Variants in ZFP90 observed in about 807,000 individuals in gnomAD.
The protein encoded by ZFP90 is zinc finger protein 90 homolog.
Under a neutral mutation model 60.8 loss-of-function variants are expected in ZFP90, and 38 were observed. That is an observed-to-expected ratio of 0.62 (90% CI 0.48 to 0.82). The LOEUF is 0.82. Ranked by LOEUF, ZFP90 falls within the 40% of genes least tolerant of loss-of-function variation. The probability of loss-of-function intolerance (pLI) is 0.00; values close to 1 mark genes in which losing one functional copy is unlikely to be tolerated. For synonymous variants in ZFP90, 287 were observed against 264.8 expected (o/e 1.08, Z -0.82); for missense variants, 711 against 759.1 (o/e 0.94, Z 0.74).
intron 2 of ZFP90, among the ~76,000 whole-genome samples, chr16:68,540,908 T>C (rs1331587300): frequency 2.3e-5 from 3 of 130,700 alleles, no homozygotes; most frequent in African/African-American, 8.3e-5. Flanking sequence ...CAATACATCA[T>C]GCCTTTTTTT....
chr16:68,550,508 C>T (rs1437866466), intron 2 of ZFP90, among the ~76,000 whole-genome samples: 1 of 152,192 alleles, frequency 6.6e-6, no homozygotes, highest in East Asian at 1.9e-4. Context: ...ACCTCAGCCT[C>T]CCAAAGTGCT....
intron 2 of ZFP90, among the ~76,000 whole-genome samples, chr16:68,554,246 C>T (rs911601202): frequency 6.6e-6 from 1 of 151,766 alleles, no homozygotes; most frequent in African/African-American, 2.4e-5. Context: ...CTCATCCTCC[C>T]GAGTAGATGG....
At chr16:68,560,802 G>A (rs1665256789) in intron 4 of ZFP90, among the ~76,000 whole-genome samples, 1 of 151,586 alleles carries the variant, frequency 6.6e-6, no homozygotes, top group Non-Finnish European at 1.5e-5. Context: ...AGCCTAATAT[G>A]TTCATCCCAC....
chr16:68,558,231 G>A, intron 3 of ZFP90, 107 bp downstream of exon 3: 2 of 1,506,976 alleles, frequency 1.3e-6, no homozygotes, highest in Middle Eastern at 3.5e-4. Context: ...GGGTGCTCAG[G>A]GGTCAGAGCT....
At position 68,552,333 on chromosome 16, in the gene ZFP90, C is replaced by T. The variant is rs188428303; in HGVS notation, c.34-5665C>T. ...GAAGGTGCCTGAGCCAAGGTCTTGA[C>T]CTTCTAGGAGCACAGTTTGGTAGGA... On this transcript the variant is annotated intron_variant, in intron 2 of 4. Coordinates refer to ENST00000563169, the MANE Select transcript of ZFP90 (RefSeq NM_001305203.2). Among the ~76,000 whole-genome samples the T allele has an allele frequency of 4.5e-3, 678 of 152,286 alleles. 22 individuals are homozygous for T. Among genetic ancestry groups the T allele is most frequent in the Non-Finnish European group, 5.1e-4 (35 of 68,026 alleles).
chr16:68,533,836 T>G (rs2152048586), exon 2 of ZFP90: 1 of 152,326 alleles, frequency 6.6e-6, no homozygotes, highest in African/African-American at 2.4e-5. Context: ...AGCCATCTTC[T>G]AATTTTCATT....
In ZFP90 at chr16:68,558,467, G is replaced by A; in HGVS notation, c.161-6G>A. On this transcript the variant is annotated splice_polypyrimidine_tract_variant and splice_region_variant and intron_variant, in intron 3 of 4. Transcript: ENST00000563169. ...AACCAAATCTTGTGTATTTACCCAT[G>A]AGCAGGATATCAAGTTTCCAAGCCA... is the stretch of plus-strand genomic sequence containing the variant. The A allele has an allele frequency of 6.2e-7, 1 of 1,613,458 alleles. No individual in the cohort carries two copies. The highest frequency in any genetic ancestry group is 2.2e-5 in the East Asian group (1 of 44,870).
At chr16:68,557,918 G>A in intron 2 of ZFP90, 80 bp from the exon 3 acceptor site, 2 of 1,578,436 alleles carry the variant, frequency 1.3e-6, no homozygotes, top group Non-Finnish European at 1.7e-6. Context: ...ACTTCTGATA[G>A]CTCCTGCAGT....
At chr16:68,549,678 C>CAAAAAAAAAA (rs35335958) in intron 2 of ZFP90, among the ~76,000 whole-genome samples, 2 of 62,926 alleles carry the variant, frequency 3.2e-5, no homozygotes, top group Admixed American at 2.4e-4. Context: ...GACTCCATCT[C>CAAAAAAAAAA]AAAAAAAAAA....
At chr16:68,546,398 A>G (rs1447694949) in intron 2 of ZFP90, among the ~76,000 whole-genome samples, 1 of 152,232 alleles carries the variant, frequency 6.6e-6, no homozygotes, top group Non-Finnish European at 1.5e-5. Context: ...TCTACAATCC[A>G]TTAAACAATA....
downstream of ZFP90, among the ~76,000 whole-genome samples, chr16:68,569,853 G>T (rs1177647): frequency 1.3e-5 from 2 of 152,076 alleles, no homozygotes; most frequent in South Asian, 2.1e-4. Context: ...CATTCTTTCT[G>T]TTGCTATGGT....
rs2091006706 is a variant in ZFP90, at chr16:68,539,834, C to T, written c.33+9C>T. 2.5e-6 allele frequency: 4 copies of T among 1,606,556 alleles called. No individual in the cohort carries two copies. The highest frequency in any genetic ancestry group is 3.4e-6 in the Non-Finnish European group (4 of 1,178,084). On this transcript the variant is annotated intron_variant, in intron 2 of 4. Coordinates refer to ENST00000563169, the MANE Select transcript of ZFP90 (RefSeq NM_001305203.2). ...CGACCGCCGCGCCCCAGGTGAGCAA[C>T]GCGTTCCTAACCTCCTGGGCATCCC...
intron 2 of ZFP90, among the ~76,000 whole-genome samples, chr16:68,575,192 C>T (rs1402399378): frequency 1.3e-5 from 2 of 152,208 alleles, no homozygotes; most frequent in South Asian, 2.1e-4. Flanking sequence ...ACAGGAGGCA[C>T]CTCATCCACT....
At chr16:68,551,698 A>G (rs973592092) in intron 2 of ZFP90, among the ~76,000 whole-genome samples, 1 of 151,924 alleles carries the variant, frequency 6.6e-6, no homozygotes, top group African/African-American at 2.4e-5. Context: ...GGCATGAGCC[A>G]CTGCACCTGT....
chr16:68,555,606 T>TA (rs2091331087), intron 2 of ZFP90, among the ~76,000 whole-genome samples: 1 of 152,198 alleles, frequency 6.6e-6, no homozygotes, highest in African/African-American at 2.4e-5. Flanking sequence ...CCAAAAGTAT[T>TA]ATCCCTGCCC....
At chr16:68,547,152 G>A (rs2091166393) in intron 2 of ZFP90, among the ~76,000 whole-genome samples, 1 of 152,056 alleles carries the variant, frequency 6.6e-6, no homozygotes, top group African/African-American at 2.4e-5. Context: ...GAAATTGCGG[G>A]GTCATACGGT....
chr16:68,539,694 C>T (rs931851258), intron 1 of ZFP90, 64 bp from the exon 2 acceptor site: 5 of 856,356 alleles, frequency 5.8e-6, no homozygotes, highest in East Asian at 1.0e-4. Flanking sequence ...GGAGGTGGGG[C>T]GGGGCGGGGC....
At chr16:68,541,104 C>T (rs932048655) in intron 2 of ZFP90, among the ~76,000 whole-genome samples, 5 of 151,584 alleles carry the variant, frequency 3.3e-5, no homozygotes, top group African/African-American at 7.3e-5. Flanking sequence ...GGCATGATCT[C>T]GGCTCACTGC....
chr16:68,554,322 G>T (rs758588749), intron 2 of ZFP90, among the ~76,000 whole-genome samples: 1 of 151,772 alleles, frequency 6.6e-6, no homozygotes, highest in African/African-American at 2.4e-5. Flanking sequence ...GTTTCATTCC[G>T]CTTTCCCAAA....
Sources: gnomAD v4.1 joint callset for allele counts (sites outside exome capture counted in the v4.1 genomes callset) on GRCh38, gnomAD v4.1.1 for gene constraint, MANE v1.5 for transcripts, NCBI Gene and HGNC (gene_info 2026-07-23, HGNC 2026-07-21) for gene names.